The following POLA1 variants were observed in gnomAD, a reference collection of about 807,000 sequenced individuals.
POLA1 encodes DNA polymerase alpha 1, catalytic subunit.
A neutral mutation model predicts 124.0 loss-of-function variants in POLA1; 15 were observed. That is an observed-to-expected ratio of 0.12 (90% CI 0.08 to 0.19). The LOEUF is 0.19. POLA1 is among the 10% of genes least tolerant of loss of function. POLA1 has a pLI of 1.00. For missense variants in POLA1, 886 were observed against 1,103.4 expected, an observed-to-expected ratio of 0.80 and a Z score of 2.79; for synonymous variants, 408 against 389.4, an observed-to-expected ratio of 1.05 and a Z score of -0.56.
chrX:24,741,226 C>T (rs1931637705), intron 20 of POLA1, 149 bp from the exon 21 acceptor site: 7 of 394,131 alleles, frequency 1.8e-5, no homozygotes, highest in Non-Finnish European at 3.1e-5. Flanking sequence ...TACATACTGA[C>T]CTTATTTTAA....
chrX:24,913,982 C>T (rs1247716995), intron 35 of POLA1, among the ~76,000 whole-genome samples: 1 of 109,875 alleles, frequency 9.1e-6, no homozygotes, highest in African/African-American at 3.3e-5. Flanking sequence ...GAGCCAAGAT[C>T]GTACCATTGC....
chrX:24,945,108 C>T (rs2047945481), intron 36 of POLA1, among the ~76,000 whole-genome samples: 1 of 111,934 alleles, frequency 8.9e-6, no homozygotes, highest in African/African-American at 3.2e-5. Context: ...ATAGCACCTA[C>T]CTCAAAGGGT....
At chrX:24,796,846 G>T (rs144917255) in intron 26 of POLA1, among the ~76,000 whole-genome samples, 2,851 of 111,216 alleles carry the variant, frequency 0.026, 87 homozygotes, top group African/African-American at 0.087. Context: ...TGCCCTTGCA[G>T]TTCTGGTTGC....
chrX:24,711,422 T>C (rs1929422771), intron 4 of POLA1, among the ~76,000 whole-genome samples: 1 of 112,585 alleles, frequency 8.9e-6, no homozygotes, highest in African/African-American at 3.2e-5. Context: ...TGTAGCTGCA[T>C]AGTATTCCAT....
intron 32 of POLA1, among the ~76,000 whole-genome samples, chrX:24,841,181 T>G (rs1357070099): frequency 8.9e-6 from 1 of 112,301 alleles, no homozygotes; most frequent in East Asian, 2.8e-4. Context: ...ACCTACATGC[T>G]GTTAACTACT....
At chrX:24,918,249 GCAT>G (rs1043656970) in intron 35 of POLA1, among the ~76,000 whole-genome samples, 20 of 107,659 alleles carry the variant, frequency 1.9e-4, no homozygotes, top group Non-Finnish European at 3.4e-4. Flanking sequence ...ATATTCCTAA[GCAT>G]CATTTTTGAA....
chrX:24,740,782 A>G (rs369779990), intron 20 of POLA1, among the ~76,000 whole-genome samples: 5 of 111,073 alleles, frequency 4.5e-5, no homozygotes, highest in Non-Finnish European at 7.6e-5. Context: ...TTGCTCCCTC[A>G]CCTCTTCAAG....
rs1930405120 is a variant in POLA1 at position 24,724,395 on chromosome X, G to C, written c.1261G>C (p.Glu421Gln). 8.8e-7 allele frequency: 1 copy of C among 1,133,085 alleles called. No individual in the cohort carries two copies. 93.4% of individuals were successfully genotyped at this position (1,133,085 alleles called of 1,213,427 possible). ...GTPISMKDVY[E>Q]EFDEKIATKY... ...TCCAATTTCAATGAAGGATGTTTAT[G>C]AGGAATTTGATGAGAAAATAGCAAC... The change falls in exon 12 of 37, where the codon GAG becomes CAG. Residue 421 changes from glutamate to glutamine, a missense_variant. Physicochemically the swap from Glu to Gln is conservative, Grantham distance 29. Transcript: ENST00000379068.
At chrX:24,974,072 C>G (rs2048336593) in intron 36 of POLA1, among the ~76,000 whole-genome samples, 1 of 110,248 alleles carries the variant, frequency 9.1e-6, no homozygotes, top group South Asian at 3.9e-4. Context: ...AAAAAAAAAT[C>G]CACCCCAGAG....
At chrX:24,799,935 CTT>C in intron 26 of POLA1, among the ~76,000 whole-genome samples, 1 of 111,934 alleles carries the variant, frequency 8.9e-6, no homozygotes. Flanking sequence ...AAGTAAGACA[CTT>C]TGAGTCAATT....
chrX:24,824,023 A>T (rs1283970374), intron 31 of POLA1, among the ~76,000 whole-genome samples: 2 of 112,112 alleles, frequency 1.8e-5, no homozygotes, highest in East Asian at 5.6e-4. Flanking sequence ...TGCCTTTAAC[A>T]TAATTATTTT....
At chrX:24,983,348 C>T (rs188316794) in intron 36 of POLA1, among the ~76,000 whole-genome samples, 1 of 112,544 alleles carries the variant, frequency 8.9e-6, no homozygotes, top group Non-Finnish European at 1.9e-5. Flanking sequence ...AAACTGTGCT[C>T]CTGAAATACA....
intron 15 of POLA1, among the ~76,000 whole-genome samples, chrX:24,730,393 G>A (rs959075058): frequency 1.8e-5 from 2 of 110,824 alleles, no homozygotes; most frequent in Non-Finnish European, 3.8e-5. Context: ...ACAGGTGTGC[G>A]TCACCACATG....
chrX:24,907,257 C>T (rs1230536165), intron 35 of POLA1, among the ~76,000 whole-genome samples: 4 of 110,527 alleles, frequency 3.6e-5, no homozygotes, highest in Non-Finnish European at 1.9e-5. Context: ...GAAAAAGGAG[C>T]CTTGGGGACC....
intron 36 of POLA1, among the ~76,000 whole-genome samples, chrX:24,959,006 A>G (rs1262257712): frequency 1.8e-5 from 2 of 111,930 alleles, no homozygotes; most frequent in Admixed American, 9.5e-5. Flanking sequence ...AACATCTGTC[A>G]AAATCAACAT....
chrX:24,936,550 G>A (rs1038326120), intron 36 of POLA1, among the ~76,000 whole-genome samples: 7 of 109,279 alleles, frequency 6.4e-5, no homozygotes, highest in African/African-American at 2.0e-4. Flanking sequence ...GTTTTTTTTT[G>A]AGACGGAGTC....
At chrX:24,876,627 A>G (rs1000351841) in intron 34 of POLA1, among the ~76,000 whole-genome samples, 1 of 103,826 alleles carries the variant, frequency 9.6e-6, no homozygotes, top group African/African-American at 3.5e-5. Flanking sequence ...TAAGTTGAAG[A>G]AAAGAGCAAA....
chrX:24,950,341 A>G (rs1295565952), intron 36 of POLA1, among the ~76,000 whole-genome samples: 1 of 112,050 alleles, frequency 8.9e-6, no homozygotes, highest in Non-Finnish European at 1.9e-5. Context: ...GAATGTAGCT[A>G]GTGCGACTGA....
chrX:24,878,810 C>G (rs941910312), intron 34 of POLA1, among the ~76,000 whole-genome samples: 2 of 108,982 alleles, frequency 1.8e-5, no homozygotes, highest in Admixed American at 9.8e-5. Flanking sequence ...AGCACATTCC[C>G]TGAAAATTTA....
Sources: allele counts gnomAD v4.1 joint callset (sites outside exome capture counted in the v4.1 genomes callset), GRCh38; gene constraint gnomAD v4.1.1; transcripts MANE v1.5; gene names NCBI Gene and HGNC (gene_info 2026-07-23, HGNC 2026-07-21).